LOXL1: variants seen among roughly 807,000 people sequenced by gnomAD.
LOXL1 encodes lysyl oxidase like 1, also known as lysyl oxidase homolog 1.
Under a neutral mutation model 62.2 loss-of-function variants are expected in LOXL1, and 31 were observed. The observed-to-expected ratio is 0.50, with a 90% CI of 0.37 to 0.67. LOXL1 has a LOEUF of 0.67. LOXL1 is among the 30% of genes least tolerant of loss of function. The pLI is 0.00. For missense variants in LOXL1, 775 were observed against 843.4 expected (o/e 0.92, Z 1.00); for synonymous variants, 403 against 384.4 (o/e 1.05, Z -0.56).
At position 73,927,524 on chromosome 15, in the gene LOXL1, G is replaced by A. The variant is rs1259332648; in HGVS notation, c.741G>A (p.Pro247=). 2.7e-6 allele frequency: 4 copies of A among 1,479,502 alleles called. No individual in the cohort carries two copies. Among genetic ancestry groups the A allele is most frequent in the African/African-American group, 1.5e-5 (1 of 67,814 alleles). 91.6% of individuals were successfully genotyped at this position (1,479,502 alleles called of 1,614,324 possible). A position where few individuals can be genotyped will look rare whatever the true frequency, so the allele number is the denominator to read the frequency against. Residue 247 remains proline, a synonymous_variant, in exon 1 of 7, where the codon CCG becomes CCA. Coordinates refer to ENST00000261921, the MANE Select transcript of LOXL1 (RefSeq NM_005576.4). Reference sequence around the variant, plus strand: ...GCGGCGAAGAGCTGCCCGAGTACCCGCCTCAGGGCTTCTACCCGGCCCCCG... The same window carrying A: ...GCGGCGAAGAGCTGCCCGAGTACCCACCTCAGGGCTTCTACCCGGCCCCCG... ...YGGGEELPEY[P]PQGFYPAPER...
rs759792984 is a variant in LOXL1, at chr15:73,927,192, A to C, written c.409A>C (p.Thr137Pro). The change falls in exon 1 of 7, where the codon ACG becomes CCG. Residue 137 changes from threonine to proline, a missense_variant. By Grantham distance (38) the Thr-to-Pro change is conservative. Transcript: ENST00000261921. ...GCGCGAGGTGGCCGTCGGGGACAGC[A>C]CGGGCATGGCCCGGGCCCGCACCTC... is the stretch of plus-strand genomic sequence containing the variant. Reference protein sequence around the residue: ...NWREVAVGDSTGMARARTSVS... With the variant: ...NWREVAVGDSPGMARARTSVS... 2 of 1,573,914 alleles carry C rather than the reference A, an allele frequency of 1.3e-6. No individual in the cohort carries two copies.
At chr15:73,949,286 A>G (rs906330590) in intron 5 of LOXL1, among the ~76,000 whole-genome samples, 173 bp from the exon 6 acceptor site, 2 of 152,272 alleles carry the variant, frequency 1.3e-5, no homozygotes, top group African/African-American at 2.4e-5. Flanking sequence ...TTCTTGGATT[A>G]CCAGCTGCCT....
chr15:73,936,806 A>C (rs1258644688), intron 1 of LOXL1, among the ~76,000 whole-genome samples: 1 of 152,254 alleles, frequency 6.6e-6, no homozygotes, highest in African/African-American at 2.4e-5. Flanking sequence ...ATGAAGCAGG[A>C]AGGATTTAGG....
In LOXL1 at chr15:73,947,745, G is replaced by A; in HGVS notation, c.1507-62G>A. 4 of 1,165,564 alleles carry A rather than the reference G, an allele frequency of 3.4e-6. No homozygotes were observed. In the South Asian group the frequency reaches 5.3e-5, roughly 15 times the overall value. The allele number at this position is 1,165,564 out of a possible 1,614,324, so 72.2% of individuals were successfully genotyped here. On this transcript the variant is annotated intron_variant, in intron 4 of 6. Transcript: ENST00000261921. ...AGGTGGGCCAGAAACTCCTGAAGGTGGGCGTGGGGTGGCTCTGGGAAACAA... is the reference window on the plus strand; with the variant it reads ...AGGTGGGCCAGAAACTCCTGAAGGTAGGCGTGGGGTGGCTCTGGGAAACAA...
chr15:73,928,014 C>G, intron 1 of LOXL1, 129 bp downstream of exon 1: 1 of 852,622 alleles, frequency 1.2e-6, no homozygotes, highest in Non-Finnish European at 1.6e-6. Context: ...GGAGCAGCGC[C>G]CCCTCCCGAC....
At chr15:73,942,749 T>C (rs1024533235) in intron 1 of LOXL1, 105 bp from the exon 2 acceptor site, 2 of 741,756 alleles carry the variant, frequency 2.7e-6, no homozygotes, top group Non-Finnish European at 4.9e-6. Flanking sequence ...TATGAGAGGA[T>C]GTTTGGGGTG....
intron 1 of LOXL1, among the ~76,000 whole-genome samples, chr15:73,939,226 C>T (rs369290066): frequency 1.3e-5 from 2 of 152,234 alleles, no homozygotes. Context: ...GACGAAATGT[C>T]CCCTGGGAGA....
intron 2 of LOXL1, 23 bp from the exon 3 acceptor site, chr15:73,946,394 C>CCAA: frequency 2.6e-5 from 40 of 1,557,866 alleles, no homozygotes; most frequent in Non-Finnish European, 3.1e-5. Context: ...AACCCCCCCT[C>CCAA]ATCTCCCCCG....
At chr15:73,946,015 A>G (rs1595848509) in intron 2 of LOXL1, among the ~76,000 whole-genome samples, 1 of 152,318 alleles carries the variant, frequency 6.6e-6, no homozygotes, top group East Asian at 1.9e-4. Flanking sequence ...TACAGGCATG[A>G]GCCAAAGTGC....
intron 1 of LOXL1, among the ~76,000 whole-genome samples, chr15:73,938,275 GTATCTATCTATC>G (rs138576407): frequency 8.5e-5 from 12 of 140,610 alleles, no homozygotes; most frequent in Admixed American, 5.1e-4. Flanking sequence ...GCTAGACTCC[GTATCTATCTATC>G]TATCTATCTA....
At position 73,927,012 on chromosome 15, in the gene LOXL1, C is replaced by T; in HGVS notation, c.229C>T (p.Leu77=). 4.2e-6 allele frequency: 6 copies of T among 1,440,732 alleles called. No homozygotes were observed. In the South Asian group the frequency reaches 7.0e-5, roughly 17 times the overall value. 89.2% of individuals were successfully genotyped at this position (1,440,732 alleles called of 1,614,324 possible). The change falls in exon 1 of 7, where the codon CTG becomes TTG. Residue 77 remains leucine, a synonymous_variant. Transcript: ENST00000261921. ...QRSESSSRVL[L]AGAPQAQQRR... ...CTCCGAGAGTAGCTCCCGGGTGCTG[C>T]TGGCCGGCGCGCCCCAGGCCCAGCA...
At chr15:73,938,319 G>GTCTATCTATCTATCTATCTATCTATC (rs1555433316) in intron 1 of LOXL1, among the ~76,000 whole-genome samples, 2 of 91,014 alleles carry the variant, frequency 2.2e-5, no homozygotes, top group African/African-American at 4.9e-5. Flanking sequence ...ATCTATCTAG[G>GTCTATCTATCTATCTATCTATCTATC]TAGATAGATA....
chr15:73,941,668 G>A (rs1239161297), intron 1 of LOXL1, among the ~76,000 whole-genome samples: 6 of 152,236 alleles, frequency 3.9e-5, no homozygotes, highest in African/African-American at 9.6e-5. Context: ...GAGAGGAGAC[G>A]GAATTAGAGG....
chr15:73,949,567 A>G lies in LOXL1; in HGVS notation c.1711A>G (p.Ile571Val). Residue 571 changes from isoleucine (I) to valine (V), a missense_variant, in exon 6 of 7, where the codon ATT becomes GTT. Physicochemically the swap from Ile to Val is conservative, Grantham distance 29. Transcript: ENST00000261921. The part of the protein sequence containing the change: ...GRYVSATNCK[I>V]VQS ...CTACGTTTCTGCAACAAACTGCAAA[A>G]TTGTCCAGTAAGAGTTTGCCCACCA... 1.9e-6 allele frequency: 3 copies of G among 1,610,930 alleles called. No individual in the cohort carries two copies. The highest frequency in any genetic ancestry group is 2.5e-6 in the Non-Finnish European group (3 of 1,177,232).
At chr15:73,944,136 A>G (rs1404370906) in intron 2 of LOXL1, among the ~76,000 whole-genome samples, 1 of 152,218 alleles carries the variant, frequency 6.6e-6, no homozygotes, top group African/African-American at 2.4e-5. Flanking sequence ...AGTACCACTC[A>G]GCCAGCCTGT....
intron 1 of LOXL1, among the ~76,000 whole-genome samples, chr15:73,928,575 T>C (rs949665360): frequency 1.5e-5 from 2 of 135,806 alleles, no homozygotes; most frequent in Non-Finnish European, 3.1e-5. Flanking sequence ...AATATTGAGA[T>C]GTATTTTTTT....
At chr15:73,937,883 G>A (rs971175494) in intron 1 of LOXL1, among the ~76,000 whole-genome samples, 2 of 152,246 alleles carry the variant, frequency 1.3e-5, no homozygotes, top group African/African-American at 4.8e-5. Context: ...AGGGCTGTAG[G>A]TGACCCAGGG....
chr15:73,927,056 C>A lies in LOXL1; in HGVS notation c.273C>A (p.Ser91Arg), dbSNP rs1174460511. The change falls in exon 1 of 7, where the codon AGC becomes AGA. Residue 91 changes from serine to arginine, a missense_variant. Coordinates refer to ENST00000261921, the MANE Select transcript of LOXL1 (RefSeq NM_005576.4). ...CCCAGCAGCGGCGCAGCCACGGGAG[C>A]CCCCGGCGTCGGCAGGCGCCGTCCC... Reference protein sequence around the residue: ...PQAQQRRSHGSPRRRQAPSLP... With the variant: ...PQAQQRRSHGRPRRRQAPSLP... The A allele has an allele frequency of 5.3e-6, 7 of 1,317,698 alleles. No individual in the cohort carries two copies. The highest frequency in any genetic ancestry group is 6.8e-6 in the Non-Finnish European group (7 of 1,028,080). 81.6% of individuals were successfully genotyped at this position (1,317,698 alleles called of 1,614,324 possible).
intron 1 of LOXL1, among the ~76,000 whole-genome samples, chr15:73,932,409 A>G (rs888169434): frequency 1.1e-4 from 16 of 152,142 alleles, no homozygotes; most frequent in East Asian, 1.9e-4. Flanking sequence ...AAAAATTTAT[A>G]TATTATTGCT....
Sources: allele counts gnomAD v4.1 joint callset (sites outside exome capture counted in the v4.1 genomes callset), GRCh38; gene constraint gnomAD v4.1.1; transcripts MANE v1.5; gene names NCBI Gene and HGNC (gene_info 2026-07-23, HGNC 2026-07-21).